The following RPS6KA6 variants were observed in gnomAD, a reference collection of about 807,000 sequenced individuals.
RPS6KA6 encodes ribosomal protein S6 kinase A6.
A neutral mutation model predicts 65.4 loss-of-function variants in RPS6KA6; 27 were observed. The ratio of observed to expected loss-of-function variants is 0.41; its 90% CI spans 0.30 to 0.57. RPS6KA6 has a LOEUF of 0.57. RPS6KA6 is among the 20% of genes least tolerant of loss of function. The probability of loss-of-function intolerance (pLI) is 0.24; values close to 1 mark genes in which losing one functional copy is unlikely to be tolerated. For missense variants in RPS6KA6, 486 were observed against 555.6 expected, an observed-to-expected ratio of 0.87 and a Z score of 1.26; for synonymous variants, 190 against 184.2, an observed-to-expected ratio of 1.03 and a Z score of -0.26.
At chrX:84,143,923 T>G (rs1471055759) in intron 6 of RPS6KA6, among the ~76,000 whole-genome samples, 1 of 111,005 alleles carries the variant, frequency 9.0e-6, no homozygotes, top group African/African-American at 3.3e-5. Flanking sequence ...GTAAGGTAAT[T>G]CAGTGAAGAA....
intron 8 of RPS6KA6, among the ~76,000 whole-genome samples, chrX:84,122,237 G>A (rs2034684427): frequency 9.0e-6 from 1 of 111,373 alleles, no homozygotes; most frequent in South Asian, 3.8e-4. Flanking sequence ...GATAGGGGAG[G>A]GAAAGCTCAG....
chrX:84,159,171 C>T (rs754075794), intron 2 of RPS6KA6, among the ~76,000 whole-genome samples: 17 of 110,992 alleles, frequency 1.5e-4, no homozygotes, highest in African/African-American at 4.2e-4. Context: ...CCTCCTGTGT[C>T]ACCATTTCCA....
intron 19 of RPS6KA6, among the ~76,000 whole-genome samples, chrX:84,097,328 G>C (rs1487646685): frequency 9.0e-6 from 1 of 110,924 alleles, no homozygotes; most frequent in Non-Finnish European, 1.9e-5. Flanking sequence ...AGGTAGTTGT[G>C]TGTGTTTCTG....
At chrX:84,174,372 T>C (rs903851479) in intron 1 of RPS6KA6, among the ~76,000 whole-genome samples, 21 of 111,811 alleles carry the variant, frequency 1.9e-4, no homozygotes, top group Admixed American at 5.7e-4. Context: ...CACCTAATTA[T>C]TGTCACTGCT....
chrX:84,140,593 C>T (rs901538733), intron 6 of RPS6KA6, among the ~76,000 whole-genome samples: 14 of 107,239 alleles, frequency 1.3e-4, no homozygotes, highest in Non-Finnish European at 2.5e-4. Context: ...AAGAATTAGC[C>T]GGGCTAACTG....
Position 84,099,088 on chromosome X carries a change from C to A in RPS6KA6, c.1777-1240G>T, listed in dbSNP as rs765169953. On this transcript the variant is annotated intron_variant, in intron 18 of 21. Transcript: ENST00000262752. ...AGCTTTTTAAAGTTTCCCAAGTGAT[C>A]CAATGCATAGCTAAGGTTGAGGGCC... Among the ~76,000 whole-genome samples, 4 of 111,079 alleles carry A rather than the reference C, an allele frequency of 3.6e-5. No individual in the cohort carries two copies. In the Admixed American group the frequency reaches 3.8e-4, roughly 11 times the overall value.
rs1369707737 is a variant in RPS6KA6 at position 84,060,114 on chromosome X, T to A, written c.*4163A>T. 1.8e-5 allele frequency: 2 copies of A among 111,514 alleles called. No individual in the cohort carries two copies. The highest frequency in any genetic ancestry group is 3.8e-5 in the Non-Finnish European group (2 of 53,108). The allele number at this position is 111,514 out of a possible 1,213,427, so 9.2% of individuals were successfully genotyped here. ...ACCAGGAACAGTGCATCCATGAGTA[T>A]AATGTATGTTGTGAATAATCACTAT... On this transcript the variant is annotated 3_prime_UTR_variant, in exon 22 of 22. Transcript: ENST00000262752.
chrX:84,094,184 T>A (rs192097569), intron 20 of RPS6KA6, among the ~76,000 whole-genome samples: 11 of 109,049 alleles, frequency 1.0e-4, no homozygotes, highest in African/African-American at 3.0e-4. Context: ...ACACAAAGAA[T>A]CACCTAATAC....
At chrX:84,114,225 C>T (rs895420092) in intron 12 of RPS6KA6, among the ~76,000 whole-genome samples, 2 of 111,229 alleles carry the variant, frequency 1.8e-5, no homozygotes, top group African/African-American at 6.5e-5. Context: ...CAGTGGTTCA[C>T]GCCTGTAATC....
chrX:84,183,423 T>C (rs1242637496), intron 1 of RPS6KA6, among the ~76,000 whole-genome samples: 1 of 110,973 alleles, frequency 9.0e-6, no homozygotes, highest in Non-Finnish European at 1.9e-5. Flanking sequence ...ACCTTCCATA[T>C]CTCCCCCATT....
At chrX:84,073,908 G>A (rs971734687) in intron 20 of RPS6KA6, among the ~76,000 whole-genome samples, 5 of 111,069 alleles carry the variant, frequency 4.5e-5, no homozygotes, top group Admixed American at 2.9e-4. Context: ...TGGGAAATGC[G>A]CTATACTATT....
Position 84,149,376 on chromosome X carries a change from T to A in RPS6KA6, c.259-1253A>T, listed in dbSNP as rs760396602. On this transcript the variant is annotated intron_variant, in intron 3 of 21. Coordinates refer to ENST00000262752, the MANE Select transcript of RPS6KA6 (RefSeq NM_014496.5). ...TCTTAATGACATCTAGAATAGCAAGTCCTTTCCAGAGGTTTTCAATTTGCT... is the reference window on the plus strand; with the variant it reads ...TCTTAATGACATCTAGAATAGCAAGACCTTTCCAGAGGTTTTCAATTTGCT... Among the ~76,000 whole-genome samples the A allele has an allele frequency of 3.6e-5, 4 of 112,221 alleles. No individual in the cohort carries two copies. The South Asian group carries it at 1.5e-3, about 41-fold the overall frequency.
chrX:84,157,501 T>C (rs2035436832), intron 2 of RPS6KA6, among the ~76,000 whole-genome samples: 1 of 111,147 alleles, frequency 9.0e-6, no homozygotes, highest in South Asian at 3.8e-4. Flanking sequence ...AATGCAAATA[T>C]AGATGCTTTG....
chrX:84,064,534 G>C, intron 21 of RPS6KA6, 132 bp from the exon 22 acceptor site: 1 of 576,168 alleles, frequency 1.7e-6, no homozygotes, highest in Non-Finnish European at 2.6e-6. Flanking sequence ...GAATATATTA[G>C]ATCTGTGCAC....
intron 2 of RPS6KA6, among the ~76,000 whole-genome samples, chrX:84,159,087 T>C (rs924715675): frequency 9.0e-6 from 1 of 111,133 alleles, no homozygotes; most frequent in African/African-American, 3.3e-5. Flanking sequence ...TGTGTATGTG[T>C]TTATATATAG....
intron 1 of RPS6KA6, among the ~76,000 whole-genome samples, chrX:84,174,501 C>G (rs897343312): frequency 4.7e-4 from 52 of 111,452 alleles, no homozygotes; most frequent in African/African-American, 1.6e-3. Flanking sequence ...TTACTTTAGT[C>G]AGGTATTTAA....
intron 1 of RPS6KA6, among the ~76,000 whole-genome samples, chrX:84,184,581 A>G (rs1027903994): frequency 2.7e-5 from 3 of 111,215 alleles, no homozygotes; most frequent in Non-Finnish European, 3.8e-5. Context: ...ACCCAGATTT[A>G]CCTGCCTTCA....
chrX:84,158,332 T>G (rs1054601263), intron 2 of RPS6KA6, among the ~76,000 whole-genome samples: 4 of 110,532 alleles, frequency 3.6e-5, no homozygotes, highest in Non-Finnish European at 5.7e-5. Flanking sequence ...ACACCTTAAA[T>G]ATATACAATA....
chrX:84,064,475 T>C, intron 21 of RPS6KA6, 73 bp from the exon 22 acceptor site: 1 of 962,778 alleles, frequency 1.0e-6, no homozygotes, highest in Non-Finnish European at 1.4e-6. Flanking sequence ...TTTCACATGA[T>C]ATCATGAGAC....
Sources: allele counts gnomAD v4.1 joint callset (sites outside exome capture counted in the v4.1 genomes callset), GRCh38; gene constraint gnomAD v4.1.1; transcripts MANE v1.5; gene names NCBI Gene and HGNC (gene_info 2026-07-23, HGNC 2026-07-21).